ADAMTS9: variants seen among roughly 807,000 people sequenced by gnomAD.
ADAMTS9 encodes the protein A disintegrin and metalloproteinase with thrombospondin motifs 9.
ADAMTS9 carries 107 observed loss-of-function variants against 257.1 expected under a neutral mutation model. The ratio of observed to expected loss-of-function variants is 0.42; its 90% confidence interval spans 0.36 to 0.49. The LOEUF (loss-of-function observed/expected upper bound fraction) is 0.49. Ranked by LOEUF, ADAMTS9 falls within the 20% of genes least tolerant of loss-of-function variation. The pLI is 0.03. For synonymous variants in ADAMTS9, 982 were observed against 880.9 expected (o/e 1.11, Z -2.03); for missense variants, 2,353 against 2,469.1 (o/e 0.95, Z 1.00).
chr3:64,577,215 C>T (rs558973147), intron 28 of ADAMTS9, among the ~76,000 whole-genome samples: 19 of 152,216 alleles, frequency 1.2e-4, no homozygotes, highest in African/African-American at 4.3e-4. Flanking sequence ...TGGCTATATC[C>T]AGGAGTACCC....
intron 3 of ADAMTS9, among the ~76,000 whole-genome samples, chr3:64,680,159 TCCCAGTGAACA>T (rs903183026): frequency 5.3e-5 from 8 of 152,210 alleles, no homozygotes; most frequent in African/African-American, 1.9e-4. Flanking sequence ...CCACATGCTA[TCCCAGTGAACA>T]ACCTGGTACA....
rs911121689 is a variant in ADAMTS9, at chr3:64,687,719, G to C, written c.-62C>G. ...CCTCCCTCCTGCCCTCCTTGGCTGC[G>C]GCGGCGACGCGAGGCAGCGGCCGTG... is the stretch of plus-strand genomic sequence containing the variant. On this transcript the variant is annotated 5_prime_UTR_variant, in exon 1 of 40. Transcript: ENST00000498707. The surrounding 1 kb of genome is among the most constrained non-coding windows in gnomAD (Gnocchi z 4.4). 2 of 1,301,800 alleles carry C rather than the reference G, an allele frequency of 1.5e-6. No individual in the cohort carries two copies. The highest frequency in any genetic ancestry group is 1.0e-6 in the Non-Finnish European group (1 of 975,148). The allele number at this position is 1,301,800 out of a possible 1,614,324, so 80.6% of individuals were successfully genotyped here. A position where few individuals can be genotyped will look rare whatever the true frequency, so the allele number is the denominator to read the frequency against.
At chr3:64,634,174 T>C (rs982647652) in intron 12 of ADAMTS9, among the ~76,000 whole-genome samples, 2 of 152,132 alleles carry the variant, frequency 1.3e-5, no homozygotes, top group Admixed American at 1.3e-4. Context: ...TAGCTTAAAA[T>C]ATGAGATGCG....
At chr3:64,517,429 T>TTTTTTTTTTTTTTTTTTTTTTTTTTTG (rs1321284198) in intron 39 of ADAMTS9, among the ~76,000 whole-genome samples, 6 of 130,658 alleles carry the variant, frequency 4.6e-5, no homozygotes, top group Non-Finnish European at 1.0e-4. Flanking sequence ...TTTTTTTTTT[T>TTTTTTTTTTTTTTTTTTTTTTTTTTTG]TTTTTTTTTT....
chr3:64,543,095 A>C (rs1338288298), intron 32 of ADAMTS9, among the ~76,000 whole-genome samples: 2 of 152,204 alleles, frequency 1.3e-5, no homozygotes, highest in Non-Finnish European at 2.9e-5. Flanking sequence ...ATAGACCAAT[A>C]ACAGGCTCTG....
intron 38 of ADAMTS9, among the ~76,000 whole-genome samples, chr3:64,531,403 T>A (rs573869044): frequency 7.6e-4 from 116 of 152,214 alleles, no homozygotes; most frequent in Non-Finnish European, 1.5e-3. Context: ...CATATACATG[T>A]TTAGTATAAC....
In ADAMTS9 at chr3:64,559,264, T is replaced by C. The variant is rs556766213; in HGVS notation, c.4698+2314A>G. 4.6e-5 allele frequency among the ~76,000 whole-genome samples: 7 copies of C among 152,282 alleles called. No individual in the cohort carries two copies. In the South Asian group the frequency reaches 1.5e-3, roughly 32 times the overall value. ...ATTCTGAGCAGGCTGTCAGCAGGCC[T>C]TGCATGTATGGGAAACATGAAGACT... On this transcript the variant is annotated intron_variant, in intron 30 of 39. Coordinates refer to ENST00000498707, the MANE Select transcript of ADAMTS9 (RefSeq NM_182920.2).
intron 28 of ADAMTS9, among the ~76,000 whole-genome samples, chr3:64,593,229 G>A (rs989998553): frequency 2.6e-5 from 4 of 152,100 alleles, no homozygotes; most frequent in Non-Finnish European, 4.4e-5. Flanking sequence ...TACACCTGCA[G>A]ACACGACCCC....
At chr3:64,643,755 A>G (rs2106927911) in intron 11 of ADAMTS9, among the ~76,000 whole-genome samples, 1 of 151,100 alleles carries the variant, frequency 6.6e-6, no homozygotes, top group Admixed American at 6.6e-5. Flanking sequence ...ATGAGCCAAC[A>G]CACCTGGCCT....
intron 22 of ADAMTS9, among the ~76,000 whole-genome samples, chr3:64,611,873 C>A (rs1352592607): frequency 6.6e-6 from 1 of 152,140 alleles, no homozygotes; most frequent in East Asian, 1.9e-4. Context: ...AGTTTCGTAA[C>A]TAGGTAAAGG....
chr3:64,617,825 T>C (rs1471658960), intron 19 of ADAMTS9, among the ~76,000 whole-genome samples: 1 of 152,182 alleles, frequency 6.6e-6, no homozygotes, highest in African/African-American at 2.4e-5. Flanking sequence ...TGGTGTGCCA[T>C]GAATCATCAT....
At chr3:64,607,336 C>T (rs1445328903) in intron 22 of ADAMTS9, among the ~76,000 whole-genome samples, 1 of 152,132 alleles carries the variant, frequency 6.6e-6, no homozygotes, top group African/African-American at 2.4e-5. Flanking sequence ...CTGTGAACTC[C>T]TAGAAGGAGC....
At chr3:64,669,539 A>G (rs1379334492) in intron 3 of ADAMTS9, among the ~76,000 whole-genome samples, 1 of 152,174 alleles carries the variant, frequency 6.6e-6, no homozygotes, top group Non-Finnish European at 1.5e-5. Context: ...GTTCTCTCTA[A>G]AGTTTCCTCC....
intron 38 of ADAMTS9, among the ~76,000 whole-genome samples, chr3:64,528,266 G>A (rs2082933873): frequency 6.6e-6 from 1 of 152,192 alleles, no homozygotes; most frequent in Non-Finnish European, 1.5e-5. Flanking sequence ...GTAGCTCTGA[G>A]AATGGGCATG....
chr3:64,566,409 T>C (rs1378561265), intron 29 of ADAMTS9, among the ~76,000 whole-genome samples: 1 of 152,200 alleles, frequency 6.6e-6, no homozygotes, highest in Non-Finnish European at 1.5e-5. Flanking sequence ...ATTATATAAC[T>C]GTGTTTACTT....
At chr3:64,682,175 C>T (rs779625406) in intron 2 of ADAMTS9, among the ~76,000 whole-genome samples, 1 of 152,172 alleles carries the variant, frequency 6.6e-6, no homozygotes, top group African/African-American at 2.4e-5. Context: ...ACCCATTCAC[C>T]TTGGGCAAGT....
At position 64,622,197 on chromosome 3, in the gene ADAMTS9, C is replaced by A; in HGVS notation, c.2686+1G>T. 1 of 1,609,278 alleles carries A rather than the reference C, an allele frequency of 6.2e-7. No homozygotes were observed. The highest frequency in any genetic ancestry group is 8.5e-7 in the Non-Finnish European group (1 of 1,177,574). On this transcript the variant is annotated splice_donor_variant, in intron 18 of 39. Transcript: ENST00000498707. LOFTEE classifies it high-confidence loss of function. Reference sequence around the variant, plus strand: ...CCAGAACTCAAATTCAAAGCAGATACCTTGGCAGGGTTTACTGCATGCTTG... The same window carrying A: ...CCAGAACTCAAATTCAAAGCAGATAACTTGGCAGGGTTTACTGCATGCTTG...
intron 23 of ADAMTS9, 49 bp from the exon 24 acceptor site, chr3:64,604,380 A>C: frequency 7.6e-7 from 1 of 1,324,162 alleles, no homozygotes. Flanking sequence ...AAGTCAATGC[A>C]CTTTCAAGGT....
intron 16 of ADAMTS9, among the ~76,000 whole-genome samples, chr3:64,627,228 T>C (rs1431529711): frequency 6.6e-6 from 1 of 152,190 alleles, no homozygotes; most frequent in Non-Finnish European, 1.5e-5. Flanking sequence ...TTTCCTTTCA[T>C]GCTTTGCTGA....
Sources: gnomAD v4.1 joint callset for allele counts (sites outside exome capture counted in the v4.1 genomes callset) on GRCh38, gnomAD v4.1.1 for gene constraint, Gnocchi (gnomAD v3.1) non-coding constraint, MANE v1.5 for transcripts, NCBI Gene and HGNC (gene_info 2026-07-23, HGNC 2026-07-21) for gene names.